CALCR: variants seen among roughly 807,000 people sequenced by gnomAD.
CALCR encodes calcitonin receptor.
In CALCR, 47 loss-of-function variants were observed where a neutral mutation model predicts 59.5. The observed-to-expected ratio is 0.79, with a 90% CI of 0.63 to 1.01. The LOEUF is 1.01. Ranked by LOEUF, CALCR falls within the 50% of genes least tolerant of loss-of-function variation. The pLI is 0.00. For missense variants in CALCR, 566 were observed against 597.1 expected (o/e 0.95, Z 0.54); for synonymous variants, 213 against 211.3 (o/e 1.01, Z -0.07).
At chr7:93,563,445 AGTAGAAATCACACCTTTAAAAGAGTAAAG>A (rs1789791564) in intron 2 of CALCR, among the ~76,000 whole-genome samples, 2 of 152,134 alleles carry the variant, frequency 1.3e-5, no homozygotes. Flanking sequence ...GCATTTTGTT[AGTAGAAATCACACCTTTAAAAGAGTAAAG>A]CAGATTAGGT....
chr7:93,499,767 A>C (rs1801283738), intron 2 of CALCR, among the ~76,000 whole-genome samples: 1 of 151,830 alleles, frequency 6.6e-6, no homozygotes, highest in Admixed American at 6.6e-5. Context: ...TATCTTACAC[A>C]GGAGACTTAC....
chr7:93,549,178 A>G (rs1343055936), intron 2 of CALCR, among the ~76,000 whole-genome samples: 1 of 152,146 alleles, frequency 6.6e-6, no homozygotes, highest in Admixed American at 6.6e-5. Flanking sequence ...TCATGTTTAC[A>G]GTGGAGGGGT....
intron 11 of CALCR, among the ~76,000 whole-genome samples, chr7:93,436,953 C>T (rs1162443358): frequency 6.6e-6 from 1 of 152,124 alleles, no homozygotes; most frequent in African/African-American, 2.4e-5. Flanking sequence ...CCCATATTTG[C>T]ACGGGCAGCT....
intron 8 of CALCR, among the ~76,000 whole-genome samples, chr7:93,457,644 C>A (rs559003036): frequency 6.6e-6 from 1 of 152,252 alleles, no homozygotes; most frequent in South Asian, 2.1e-4. Flanking sequence ...AGTAACTTTC[C>A]TACGGTTTCT....
chr7:93,527,025 A>T (rs1788673964), intron 2 of CALCR, among the ~76,000 whole-genome samples: 2 of 151,940 alleles, frequency 1.3e-5, no homozygotes, highest in Admixed American at 1.3e-4. Context: ...TTTTCTTCAT[A>T]CCTGATCTCT....
chr7:93,543,305 T>C (rs889350762), intron 2 of CALCR, among the ~76,000 whole-genome samples: 1 of 152,076 alleles, frequency 6.6e-6, no homozygotes, highest in African/African-American at 2.4e-5. Flanking sequence ...CCATGGCAAC[T>C]GGCTAATTTT....
At chr7:93,511,164 T>G (rs1801539167) in intron 2 of CALCR, among the ~76,000 whole-genome samples, 1 of 152,052 alleles carries the variant, frequency 6.6e-6, no homozygotes, top group African/African-American at 2.4e-5. Flanking sequence ...CACAAACATA[T>G]GTAATTAAGA....
chr7:93,572,318 GGTGGAAACCCTCTTGGTCA>G (rs1261145650), intron 2 of CALCR, among the ~76,000 whole-genome samples: 3 of 151,910 alleles, frequency 2.0e-5, no homozygotes, highest in Non-Finnish European at 4.4e-5. Context: ...TACCAAGTCT[GGTGGAAACCCTCTTGGTCA>G]GTGGCTCTCA....
intron 5 of CALCR, among the ~76,000 whole-genome samples, chr7:93,473,879 C>G (rs956075136): frequency 2.6e-5 from 4 of 151,378 alleles, no homozygotes; most frequent in Non-Finnish European, 4.4e-5. Context: ...TATGATAAAG[C>G]CTTGCTGCTT....
At chr7:93,534,373 G>A (rs1190074764) in intron 2 of CALCR, among the ~76,000 whole-genome samples, 2 of 151,778 alleles carry the variant, frequency 1.3e-5, no homozygotes, top group Non-Finnish European at 3.0e-5. Flanking sequence ...AGGAGAGCCT[G>A]CTCCAGAGCT....
intron 2 of CALCR, among the ~76,000 whole-genome samples, chr7:93,552,422 A>C (rs946410535): frequency 3.9e-5 from 6 of 152,320 alleles, no homozygotes; most frequent in African/African-American, 1.4e-4. Flanking sequence ...ACATTAAGTC[A>C]TTTAAAGCTA....
At chr7:93,485,298 T>C (rs774095885) in intron 3 of CALCR, among the ~76,000 whole-genome samples, 1 of 151,688 alleles carries the variant, frequency 6.6e-6, no homozygotes, top group Non-Finnish European at 1.5e-5. Context: ...ATAAAATGTT[T>C]CTGTCCATGG....
chr7:93,461,474 C>T (rs1213410411), intron 7 of CALCR, among the ~76,000 whole-genome samples: 2 of 152,122 alleles, frequency 1.3e-5, no homozygotes, highest in African/African-American at 4.8e-5. Flanking sequence ...TTTCTGTTAC[C>T]ATCTTCTTAG....
chr7:93,473,916 G>A lies in CALCR; in HGVS notation c.317-1429C>T, dbSNP rs147936351. ...TTTTATTTTAATTTTTTTAGGCAGT[G>A]TATATGTATCAGTACAAAGTAAAGT... is the stretch of plus-strand genomic sequence containing the variant. On this transcript the variant is annotated intron_variant, in intron 5 of 13. Coordinates refer to ENST00000426151, the MANE Select transcript of CALCR (RefSeq NM_001742.4). Among the ~76,000 whole-genome samples the A allele has an allele frequency of 2.0e-3, 296 of 151,640 alleles. 1 individual carries two copies. The highest frequency in any genetic ancestry group is 6.8e-3 in the Middle Eastern group (2 of 294).
rs1186972827 is a variant in CALCR at position 93,435,987 on chromosome 7, A to G, written c.1114T>C (p.Tyr372His). Residue 372 changes from tyrosine to histidine, a missense_variant, in exon 12 of 14, where the codon TAT (tyrosine) becomes CAT (histidine). Tyr to His is a moderately conservative substitution (Grantham distance 83). Coordinates refer to ENST00000426151, the MANE Select transcript of CALCR (RefSeq NM_001742.4). ...ATCAGAGAGTGCATCACGTAATCAT[A>G]TATCTTCCCAAGCATCTTGTTGGAA... is the stretch of plus-strand genomic sequence containing the variant. ...RPSNKMLGKI[Y>H]DYVMHSLIHF... is the part of the protein sequence containing the mutation. The G allele has an allele frequency of 6.2e-6, 10 of 1,613,082 alleles. No individual in the cohort carries two copies. Among genetic ancestry groups the G allele is most frequent in the African/African-American group, 2.7e-5 (2 of 74,886 alleles).
rs149613677 is a variant in CALCR at position 93,519,660 on chromosome 7, G to T, written c.-26-32653C>A. Among the ~76,000 whole-genome samples, 818 of 152,062 alleles carry T rather than the reference G, an allele frequency of 5.4e-3. 3 individuals are homozygous for T. The highest frequency in any genetic ancestry group is 7.3e-3 in the Non-Finnish European group (494 of 67,958). The stretch of plus-strand genomic sequence containing the variant: ...AGTCTGTGATATGGTTAGGCTCTGT[G>T]TCCCCACCCAAATCTTATTTTGAAT... On this transcript the variant is annotated intron_variant, in intron 2 of 13. Coordinates refer to ENST00000426151, the MANE Select transcript of CALCR (RefSeq NM_001742.4).
intron 9 of CALCR, among the ~76,000 whole-genome samples, chr7:93,440,628 A>G (rs2115714680): frequency 6.6e-6 from 1 of 152,084 alleles, no homozygotes; most frequent in African/African-American, 2.4e-5. Flanking sequence ...TATTTGGTTG[A>G]CTATCTTTCC....
At chr7:93,560,077 T>C (rs1237442732) in intron 2 of CALCR, among the ~76,000 whole-genome samples, 2 of 152,114 alleles carry the variant, frequency 1.3e-5, no homozygotes, top group Non-Finnish European at 2.9e-5. Flanking sequence ...CTAATGAGTA[T>C]GTTACAGTAA....
chr7:93,513,506 C>T (rs1023997348), intron 2 of CALCR, among the ~76,000 whole-genome samples: 7 of 151,940 alleles, frequency 4.6e-5, no homozygotes, highest in African/African-American at 1.7e-4. Flanking sequence ...CTTAATGTTT[C>T]TGTATGTATT....
Sources: gnomAD v4.1 joint callset for allele counts (sites outside exome capture counted in the v4.1 genomes callset) on GRCh38, gnomAD v4.1.1 for gene constraint, MANE v1.5 for transcripts, NCBI Gene and HGNC (gene_info 2026-07-23, HGNC 2026-07-21) for gene names.